TACR3: variants seen among roughly 807,000 people sequenced by gnomAD.
The protein encoded by TACR3 is neuromedin-K receptor.
Under a neutral mutation model 35.0 loss-of-function variants are expected in TACR3, and 34 were observed. The observed-to-expected ratio is 0.97, with a 90% confidence interval of 0.74 to 1.30. The LOEUF (loss-of-function observed/expected upper bound fraction) is 1.30. Ranked by LOEUF, TACR3 falls within the 50% of genes most tolerant of loss-of-function variation. TACR3 has a pLI of 0.00. For synonymous variants in TACR3, 233 were observed against 221.1 expected, an observed-to-expected ratio of 1.05 and a Z score of -0.48; for missense variants, 558 against 591.7, an observed-to-expected ratio of 0.94 and a Z score of 0.59.
chr4:103,620,288 G>A (rs1724746365), intron 3 of TACR3, among the ~76,000 whole-genome samples: 1 of 152,132 alleles, frequency 6.6e-6, no homozygotes, highest in Admixed American at 6.6e-5. Context: ...CACTGTTGGG[G>A]GGCTTAAACA....
In TACR3 at chr4:103,695,119, T is replaced by C. The variant is rs1722493051; in HGVS notation, c.548+24009A>G. On this transcript the variant is annotated intron_variant, in intron 1 of 4. Transcript: ENST00000304883. ...TTTAAGTTCCATCAAACTTCTACTATGGTTTTGTTGGAATTACAGTGAAAC... is the reference window on the plus strand; with the variant it reads ...TTTAAGTTCCATCAAACTTCTACTACGGTTTTGTTGGAATTACAGTGAAAC... Among the ~76,000 whole-genome samples, 8 of 152,206 alleles carry C rather than the reference T, an allele frequency of 5.3e-5. No homozygotes were observed. The South Asian group carries it at 1.7e-3, about 32-fold the overall frequency.
intron 1 of TACR3, among the ~76,000 whole-genome samples, chr4:103,700,801 A>T (rs1412950431): frequency 6.6e-6 from 1 of 152,224 alleles, no homozygotes; most frequent in Non-Finnish European, 1.5e-5. Context: ...GACAAAAAGC[A>T]TATGATTATC....
chr4:103,643,579 C>T (rs1489908202), intron 3 of TACR3, among the ~76,000 whole-genome samples: 2 of 151,782 alleles, frequency 1.3e-5, no homozygotes, highest in Non-Finnish European at 2.9e-5. Context: ...CAACATTCAC[C>T]TTCCCAGAGC....
chr4:103,603,208 T>C (rs151095735), intron 3 of TACR3, among the ~76,000 whole-genome samples: 13 of 152,348 alleles, frequency 8.5e-5, no homozygotes, highest in African/African-American at 2.6e-4. Context: ...GTGCGGGATA[T>C]AATCTCCTGG....
chr4:103,678,032 A>T (rs1278315122), intron 1 of TACR3, among the ~76,000 whole-genome samples: 1 of 152,154 alleles, frequency 6.6e-6, no homozygotes, highest in Non-Finnish European at 1.5e-5. Context: ...AAGGTAATGT[A>T]GCATAGGTTA....
chr4:103,697,372 G>A (rs985512919), intron 1 of TACR3, among the ~76,000 whole-genome samples: 1 of 151,654 alleles, frequency 6.6e-6, no homozygotes, highest in Non-Finnish European at 1.5e-5. Context: ...CATGTTGTTG[G>A]GGGCACTTGT....
chr4:103,663,878 A>G (rs1201885528), intron 1 of TACR3, among the ~76,000 whole-genome samples: 1 of 152,232 alleles, frequency 6.6e-6, no homozygotes, highest in Admixed American at 6.5e-5. Flanking sequence ...CAGATGTGAG[A>G]TATAATTTCA....
rs553779711 is a variant in TACR3, at chr4:103,627,331, A to T, written c.888+28863T>A. On this transcript the variant is annotated intron_variant, in intron 3 of 4. Transcript: ENST00000304883. Reference sequence around the variant, plus strand: ...GGAGTACGAGACCAGTCTGGCCAACATGGTGAAACTGTGTTTCCATTAAAA... The same window carrying T: ...GGAGTACGAGACCAGTCTGGCCAACTTGGTGAAACTGTGTTTCCATTAAAA... Among the ~76,000 whole-genome samples the T allele has an allele frequency of 2.8e-5, 4 of 143,888 alleles. No homozygotes were observed. In the Admixed American group the frequency reaches 2.8e-4, roughly 10 times the overall value. The allele number at this position is 143,888 out of a possible 152,430, so 94.4% of individuals were successfully genotyped here. A position where few individuals can be genotyped will look rare whatever the true frequency, so the allele number is the denominator to read the frequency against.
chr4:103,656,463 T>A, intron 2 of TACR3, 119 bp from the exon 3 acceptor site: 1 of 917,578 alleles, frequency 1.1e-6, no homozygotes, highest in Non-Finnish European at 1.7e-6. Flanking sequence ...ACATTATCTC[T>A]ATACATTCAT....
intron 1 of TACR3, among the ~76,000 whole-genome samples, chr4:103,670,399 T>C (rs902344123): frequency 6.6e-6 from 1 of 152,082 alleles, no homozygotes; most frequent in African/African-American, 2.4e-5. Context: ...GGAATTGCAT[T>C]GAATCTGTAG....
intron 3 of TACR3, among the ~76,000 whole-genome samples, chr4:103,652,859 T>C (rs895884548): frequency 1.3e-5 from 2 of 152,072 alleles, no homozygotes; most frequent in Non-Finnish European, 2.9e-5. Flanking sequence ...TTCTGTGTTT[T>C]AAGTAATGAT....
intron 1 of TACR3, among the ~76,000 whole-genome samples, chr4:103,706,779 A>C (rs147791912): frequency 6.6e-6 from 1 of 152,292 alleles, no homozygotes; most frequent in South Asian, 2.1e-4. Flanking sequence ...ATAAGAAAAA[A>C]TATGTTTAAG....
chr4:103,617,297 A>G (rs1271783452), intron 3 of TACR3, among the ~76,000 whole-genome samples: 1 of 152,216 alleles, frequency 6.6e-6, no homozygotes, highest in Non-Finnish European at 1.5e-5. Flanking sequence ...AGATATAAAA[A>G]GTATTTAAAG....
intron 3 of TACR3, among the ~76,000 whole-genome samples, chr4:103,634,014 TAA>T (rs1354542221): frequency 2.6e-5 from 4 of 152,212 alleles, no homozygotes; most frequent in Non-Finnish European, 4.4e-5. Context: ...GGTCGGAAGC[TAA>T]AAGATTACAC....
chr4:103,719,395 A>C lies in TACR3; in HGVS notation c.281T>G (p.Val94Gly), dbSNP rs776564426. Residue 94 changes from valine to glycine, a missense_variant, in exon 1 of 5, where the codon GTG (valine) becomes GGG (glycine). Coordinates refer to ENST00000304883, the MANE Select transcript of TACR3 (RefSeq NM_001059.3). ...TCCCAAAACTGCCACTGCCACCACCACACCATACGCCAGGGACCAGAGCGC... is the reference window on the plus strand; with the variant it reads ...TCCCAAAACTGCCACTGCCACCACCCCACCATACGCCAGGGACCAGAGCGC... ...RIALWSLAYG[V>G]VVAVAVLGNL... 8.7e-6 allele frequency: 14 copies of C among 1,614,092 alleles called. No homozygotes were observed. Among genetic ancestry groups the C allele is most frequent in the Non-Finnish European group, 1.1e-5 (13 of 1,180,050 alleles).
At chr4:103,679,722 G>T (rs1262656905) in intron 1 of TACR3, among the ~76,000 whole-genome samples, 1 of 151,820 alleles carries the variant, frequency 6.6e-6, no homozygotes, top group Non-Finnish European at 1.5e-5. Flanking sequence ...TTAAATTTAT[G>T]TAATAACATT....
intron 3 of TACR3, among the ~76,000 whole-genome samples, chr4:103,635,435 C>A (rs1191425349): frequency 2.6e-5 from 4 of 151,906 alleles, no homozygotes; most frequent in African/African-American, 7.2e-5. Context: ...CATCTTCCCA[C>A]CCCTACCCCT....
intron 1 of TACR3, among the ~76,000 whole-genome samples, chr4:103,713,027 G>T (rs1171212184): frequency 1.3e-5 from 2 of 152,104 alleles, no homozygotes; most frequent in African/African-American, 2.4e-5. Context: ...ATTGTTGGTG[G>T]AACTGTAAAC....
rs564968003 is a variant in TACR3 at position 103,701,684 on chromosome 4, A to G, written c.548+17444T>C. Among the ~76,000 whole-genome samples, 29 of 152,274 alleles carry G rather than the reference A, an allele frequency of 1.9e-4. No individual in the cohort carries two copies. In the East Asian group the frequency reaches 5.6e-3, roughly 29 times the overall value. ...GCTACAGTAACCAAAACAGCATGGT[A>G]CTGGTACCAAAACAGAGATATAGAT... On this transcript the variant is annotated intron_variant, in intron 1 of 4. Coordinates refer to ENST00000304883, the MANE Select transcript of TACR3 (RefSeq NM_001059.3).
Sources: allele counts gnomAD v4.1 joint callset (sites outside exome capture counted in the v4.1 genomes callset), GRCh38; gene constraint gnomAD v4.1.1; transcripts MANE v1.5; gene names NCBI Gene and HGNC (gene_info 2026-07-23, HGNC 2026-07-21).